Variants in FRG1 observed in about 807,000 individuals in gnomAD.
The protein encoded by FRG1 is FSHD region gene 1.
In FRG1, 19 loss-of-function variants were observed where a neutral mutation model predicts 37.0. The observed-to-expected ratio is 0.51, with a 90% CI of 0.36 to 0.75. FRG1 has a LOEUF of 0.75. Ranked by LOEUF, FRG1 falls within the 30% of genes least tolerant of loss-of-function variation. The pLI is 0.00. For missense variants in FRG1, 243 were observed against 301.4 expected (o/e 0.81, Z 1.44); for synonymous variants, 73 against 96.5 (o/e 0.76, Z 1.43).
intron 5 of FRG1, among the ~76,000 whole-genome samples, chr4:189,956,291 T>C (rs1736979916): frequency 6.6e-6 from 1 of 152,006 alleles, no homozygotes; most frequent in Non-Finnish European, 1.5e-5. Flanking sequence ...TGCAACCCCT[T>C]TGAGATGATC....
chr4:189,952,134 A>G, intron 2 of FRG1, 28 bp from the exon 3 acceptor site: 1 of 1,493,104 alleles, frequency 6.7e-7, no homozygotes, highest in Non-Finnish European at 9.1e-7. Context: ...CTAAAATATA[A>G]AGTTGAAATA....
intron 4 of FRG1, among the ~76,000 whole-genome samples, chr4:189,953,578 C>T (rs1465497725): frequency 4.6e-5 from 7 of 152,016 alleles, no homozygotes; most frequent in Admixed American, 2.0e-4. Flanking sequence ...TTTTTATTCT[C>T]ACCTTGTGCA....
chr4:189,947,191 CTA>C (rs1264861435), intron 2 of FRG1, among the ~76,000 whole-genome samples: 3 of 152,344 alleles, frequency 2.0e-5, no homozygotes, highest in Non-Finnish European at 4.4e-5. Context: ...GAGCTTGTGA[CTA>C]TGCATATCTT....
chr4:189,951,399 A>G (rs1579629398), intron 2 of FRG1, among the ~76,000 whole-genome samples: 2 of 151,626 alleles, frequency 1.3e-5, no homozygotes, highest in African/African-American at 2.4e-5. Flanking sequence ...GCTGAGGCAG[A>G]GAATTGTTTG....
At chr4:189,958,582 A>G (rs1351422458) in intron 6 of FRG1, among the ~76,000 whole-genome samples, 5 of 152,284 alleles carry the variant, frequency 3.3e-5, no homozygotes, top group Non-Finnish European at 5.9e-5. Flanking sequence ...ATTCCAGGCT[A>G]AATTCCCTCA....
In FRG1 at chr4:189,940,938, C is replaced by G. The variant is rs545205390; in HGVS notation, c.-72C>G. ...GCGTCCGCTTCTGTTTCTCCGCGCC[C>G]CTGTGCTGCCCCGACTCACATACTC... On this transcript the variant is annotated 5_prime_UTR_variant, in exon 1 of 9. Coordinates refer to ENST00000226798, the MANE Select transcript of FRG1 (RefSeq NM_004477.3). The G allele has an allele frequency of 8.1e-7, 1 of 1,232,870 alleles. No individual in the cohort carries two copies. Among genetic ancestry groups the G allele is most frequent in the Non-Finnish European group, 1.2e-6 (1 of 845,686 alleles). The allele number at this position is 1,232,870 out of a possible 1,614,324, so 76.4% of individuals were successfully genotyped here.
chr4:189,947,210 C>G (rs537803276), intron 2 of FRG1, among the ~76,000 whole-genome samples: 1 of 152,286 alleles, frequency 6.6e-6, no homozygotes, highest in South Asian at 2.1e-4. Context: ...TCTTCTGTGT[C>G]CTTACTGATT....
chr4:189,948,198 T>C lies in FRG1; in HGVS notation c.134-3964T>C, dbSNP rs569876468. 1.3e-4 allele frequency among the ~76,000 whole-genome samples: 20 copies of C among 152,328 alleles called. No individual in the cohort carries two copies. The South Asian group carries it at 3.5e-3, about 27-fold the overall frequency. On this transcript the variant is annotated intron_variant, in intron 2 of 8. Coordinates refer to ENST00000226798, the MANE Select transcript of FRG1 (RefSeq NM_004477.3). ...GTGAAGGGAAAGAAAAAAAACCTTT[T>C]AATTTTTTAAAGCTGTTCTGTTGGT... is the stretch of plus-strand genomic sequence containing the variant.
intron 1 of FRG1, among the ~76,000 whole-genome samples, chr4:189,942,860 C>A (rs6553396): frequency 0.28 from 43,200 of 151,956 alleles, 6,273 homozygotes; most frequent in Middle Eastern, 0.42. Flanking sequence ...CTCACAATAG[C>A]CTTAAGAGTT....
intron 5 of FRG1, among the ~76,000 whole-genome samples, chr4:189,956,403 A>G (rs1736984642): frequency 6.6e-6 from 1 of 152,202 alleles, no homozygotes; most frequent in African/African-American, 2.4e-5. Flanking sequence ...CTAATAATAC[A>G]ACACTTTAGG....
At chr4:189,956,454 T>A (rs189951922) in intron 5 of FRG1, among the ~76,000 whole-genome samples, 80 of 152,280 alleles carry the variant, frequency 5.3e-4, no homozygotes, top group African/African-American at 1.9e-3. Context: ...ACACTAAGTT[T>A]CAAAAATTTA....
intron 2 of FRG1, among the ~76,000 whole-genome samples, chr4:189,951,584 C>CA (rs978601214): frequency 1.3e-5 from 2 of 151,994 alleles, no homozygotes; most frequent in Non-Finnish European, 2.9e-5. Flanking sequence ...GGAAAGCAGG[C>CA]ATGAAATAGA....
rs1185412793 is a variant in FRG1, at chr4:189,961,950, T to C, written c.740+18T>C. ...CTGGACAGGTAGCTATTTATTTACT[T>C]ATTTCCACTATTTTCAGTAGCCAAT... On this transcript the variant is annotated intron_variant, in intron 8 of 8. Coordinates refer to ENST00000226798, the MANE Select transcript of FRG1 (RefSeq NM_004477.3). 3 of 1,279,632 alleles carry C rather than the reference T, an allele frequency of 2.3e-6. No homozygotes were observed. The highest frequency in any genetic ancestry group is 3.3e-6 in the Non-Finnish European group (3 of 907,668). The allele number at this position is 1,279,632 out of a possible 1,614,324, so 79.3% of individuals were successfully genotyped here.
At position 189,963,088 on chromosome 4, in the gene FRG1, A is replaced by C. The variant is rs377491250; in HGVS notation, c.741-5A>C. The stretch of plus-strand genomic sequence containing the variant: ...GATTAATTTTATTTTTCTTTGTTTA[A>C]ACAGGAGAGCCAAATTGAAAGCCGA... On this transcript the variant is annotated splice_polypyrimidine_tract_variant and splice_region_variant and intron_variant, in intron 8 of 8. Transcript: ENST00000226798. 285 of 1,606,142 alleles carry C rather than the reference A, an allele frequency of 1.8e-4. 1 individual carries two copies. Among genetic ancestry groups the C allele is most frequent in the Non-Finnish European group, 2.2e-4 (259 of 1,174,182 alleles).
At chr4:189,952,931 A>G (rs1398937533) in intron 3 of FRG1, 137 bp from the exon 4 acceptor site, 1 of 1,308,740 alleles carries the variant, frequency 7.6e-7, no homozygotes, top group East Asian at 2.6e-5. Flanking sequence ...AAGATACAGT[A>G]TTACAGTGAC....
At position 189,953,446 on chromosome 4, in the gene FRG1, A is replaced by G. The variant is rs571978109; in HGVS notation, c.317+321A>G. On this transcript the variant is annotated intron_variant, in intron 4 of 8. Coordinates refer to ENST00000226798, the MANE Select transcript of FRG1 (RefSeq NM_004477.3). ...TTTAAACTCACTGTTTGGAAGTCCAAAGGCAAACAGGAAGACTAAAAAAAG... is the reference window on the plus strand; with the variant it reads ...TTTAAACTCACTGTTTGGAAGTCCAGAGGCAAACAGGAAGACTAAAAAAAG... Among the ~76,000 whole-genome samples the G allele has an allele frequency of 2.6e-5, 4 of 152,164 alleles. No individual in the cohort carries two copies. In the East Asian group the frequency reaches 5.8e-4, roughly 22 times the overall value.
chr4:189,951,997 T>C (rs1302298416), intron 2 of FRG1, among the ~76,000 whole-genome samples, 165 bp from the exon 3 acceptor site: 1 of 152,244 alleles, frequency 6.6e-6, no homozygotes, highest in African/African-American at 2.4e-5. Flanking sequence ...ATGATACTTA[T>C]GCAAGATTTA....
At chr4:189,962,803 C>G (rs1737292053) in intron 8 of FRG1, among the ~76,000 whole-genome samples, 1 of 152,076 alleles carries the variant, frequency 6.6e-6, no homozygotes. Context: ...AGCATTCTCA[C>G]CCTGTTAAAT....
chr4:189,955,098 G>C lies in FRG1; in HGVS notation c.379G>C (p.Gly127Arg). Residue 127 changes from glycine (G) to arginine (R), a missense_variant, in exon 5 of 9, where the codon GGG (glycine) becomes CGG (arginine). Transcript: ENST00000226798. ...TATAAATTCAGATGGACTTGTTGTT[G>C]GGCGTTCAGATGCAATTGGACCAAG... The part of the protein sequence containing the change: ...LGINSDGLVV[G>R]RSDAIGPREQ... 6.2e-7 allele frequency: 1 copy of C among 1,613,590 alleles called. No homozygotes were observed. The highest frequency in any genetic ancestry group is 8.5e-7 in the Non-Finnish European group (1 of 1,179,626).
Sources: gnomAD v4.1 joint callset for allele counts (sites outside exome capture counted in the v4.1 genomes callset) on GRCh38, gnomAD v4.1.1 for gene constraint, MANE v1.5 for transcripts, NCBI Gene and HGNC (gene_info 2026-07-23, HGNC 2026-07-21) for gene names.